Variants in CDH7 observed in about 807,000 individuals in gnomAD.
CDH7 encodes the protein cadherin 7.
CDH7 carries 25 observed loss-of-function variants against 71.8 expected under a neutral mutation model. The ratio of observed to expected loss-of-function variants is 0.35; its 90% CI spans 0.25 to 0.49. The LOEUF is 0.49. CDH7 is among the 20% of genes least tolerant of loss of function. The pLI is 0.99. For synonymous variants in CDH7, 381 were observed against 363.8 expected (o/e 1.05, Z -0.54); for missense variants, 862 against 974.6 (o/e 0.88, Z 1.54).
intron 2 of CDH7, among the ~76,000 whole-genome samples, chr18:65,777,999 G>C (rs1489070427): frequency 1.3e-5 from 2 of 152,108 alleles, no homozygotes; most frequent in Non-Finnish European, 2.9e-5. Context: ...CCAGCCGGGC[G>C]TGGTGGCTCA....
intron 2 of CDH7, among the ~76,000 whole-genome samples, chr18:65,789,035 T>G (rs1910613247): frequency 6.6e-6 from 1 of 152,266 alleles, no homozygotes; most frequent in African/African-American, 2.4e-5. Context: ...TTATGTAGTT[T>G]GTACACCCAT....
At chr18:65,826,406 G>C (rs1448099600) in intron 6 of CDH7, among the ~76,000 whole-genome samples, 1 of 150,900 alleles carries the variant, frequency 6.6e-6, no homozygotes, top group Non-Finnish European at 1.5e-5. Flanking sequence ...ATAAAATATT[G>C]AACAATGGAA....
chr18:65,767,235 T>C (rs1460014832), intron 2 of CDH7, among the ~76,000 whole-genome samples: 1 of 152,136 alleles, frequency 6.6e-6, no homozygotes, highest in African/African-American at 2.4e-5. Flanking sequence ...CTTGGAAGCA[T>C]TGGTGAGCAT....
Position 65,809,827 on chromosome 18 carries a change from C to A in CDH7, c.334C>A (p.Arg112Ser), listed in dbSNP as rs775706781. 1 of 1,613,940 alleles carries A rather than the reference C, an allele frequency of 6.2e-7. No homozygotes were observed. Among genetic ancestry groups the A allele is most frequent in the Non-Finnish European group, 8.5e-7 (1 of 1,179,962 alleles). Residue 112 changes from arginine to serine, a missense_variant, in exon 3 of 12, where the codon CGT becomes AGT. Transcript: ENST00000397968. ...TATTCATGCCACCAAGAGACTGGAT[C>A]GTGAGGAGCAGGCCTACTACACGCT... ...GDIHATKRLD[R>S]EEQAYYTLRA...
At chr18:65,789,865 A>G (rs1479014371) in intron 2 of CDH7, among the ~76,000 whole-genome samples, 2 of 152,082 alleles carry the variant, frequency 1.3e-5, no homozygotes, top group African/African-American at 4.8e-5. Flanking sequence ...AATGAATGAC[A>G]AATCCACTGT....
In CDH7 at chr18:65,888,700, T is replaced by G. The variant is rs942893495; in HGVS notation, c.*7806T>G. Reference sequence around the variant, plus strand: ...TCAAGTTAGGCATTGTTAGGTTTTTTAAGGAAAAACTTTGATGCCCAGAAT... The same window carrying G: ...TCAAGTTAGGCATTGTTAGGTTTTTGAAGGAAAAACTTTGATGCCCAGAAT... On this transcript the variant is annotated 3_prime_UTR_variant, in exon 12 of 12. Coordinates refer to ENST00000397968, the MANE Select transcript of CDH7 (RefSeq NM_004361.5). 1.1e-4 allele frequency: 17 copies of G among 151,862 alleles called. No homozygotes were observed. The highest frequency in any genetic ancestry group is 4.1e-4 in the African/African-American group (17 of 41,334). The allele number at this position is 151,862 out of a possible 1,614,324, so 9.4% of individuals were successfully genotyped here. A position where few individuals can be genotyped will look rare whatever the true frequency, so the allele number is the denominator to read the frequency against.
chr18:65,781,226 G>A (rs1006118760), intron 2 of CDH7, among the ~76,000 whole-genome samples: 7 of 152,050 alleles, frequency 4.6e-5, no homozygotes, highest in African/African-American at 9.7e-5. Context: ...CCTCAGATTC[G>A]AGAGTGGTGC....
rs1384050472 is a variant in CDH7, at chr18:65,751,279, C to CG, written c.-197+129_-197+130insG. 6 of 152,718 alleles carry CG rather than the reference C, an allele frequency of 3.9e-5. No individual in the cohort carries two copies. In the East Asian group the frequency reaches 1.2e-3, roughly 30 times the overall value. 9.5% of individuals were successfully genotyped at this position (152,718 alleles called of 1,614,324 possible). A position where few individuals can be genotyped will look rare whatever the true frequency, so the allele number is the denominator to read the frequency against. ...GCGGGGATGTCCGTGTGGAGTTTCC[C>CG]TTGGCGTCCCCAAGTTACTGCGTGT... On this transcript the variant is annotated intron_variant, in intron 1 of 11. Transcript: ENST00000397968.
intron 2 of CDH7, among the ~76,000 whole-genome samples, chr18:65,778,676 G>T (rs200638479): frequency 0.26 from 37,556 of 146,538 alleles, 5,118 homozygotes; most frequent in South Asian, 0.37. Flanking sequence ...CTTTTTTTTT[G>T]TTTGTTTTTC....
chr18:65,800,205 G>A (rs1021255567), intron 2 of CDH7, among the ~76,000 whole-genome samples: 9 of 151,906 alleles, frequency 5.9e-5, no homozygotes, highest in Non-Finnish European at 8.8e-5. Flanking sequence ...TCAGCCTCCC[G>A]AGTAGCTGGG....
At chr18:65,844,125 C>T (rs1203101587) in intron 7 of CDH7, 60 bp downstream of exon 7, 9 of 1,435,922 alleles carry the variant, frequency 6.3e-6, no homozygotes, top group Non-Finnish European at 8.6e-6. Flanking sequence ...TTGTTCACAA[C>T]TCTTATTTTA....
At chr18:65,770,819 A>G (rs1384263082) in intron 2 of CDH7, among the ~76,000 whole-genome samples, 3 of 152,178 alleles carry the variant, frequency 2.0e-5, no homozygotes, top group Non-Finnish European at 4.4e-5. Context: ...AATGAATACT[A>G]CTTTGTCATA....
At chr18:65,758,076 A>C (rs1038359452) in intron 1 of CDH7, among the ~76,000 whole-genome samples, 4 of 152,240 alleles carry the variant, frequency 2.6e-5, no homozygotes, top group African/African-American at 9.6e-5. Flanking sequence ...AAGTTCATTT[A>C]AATGTAATAA....
chr18:65,776,846 C>T (rs973534716), intron 2 of CDH7, among the ~76,000 whole-genome samples: 1 of 152,110 alleles, frequency 6.6e-6, no homozygotes, highest in Non-Finnish European at 1.5e-5. Context: ...TAATAGATTG[C>T]ATTTTTAGAA....
At chr18:65,769,401 T>C (rs1916477373) in intron 2 of CDH7, among the ~76,000 whole-genome samples, 1 of 152,202 alleles carries the variant, frequency 6.6e-6, no homozygotes, top group Non-Finnish European at 1.5e-5. Context: ...TAAAATGTGA[T>C]CAAATTGGTA....
intron 6 of CDH7, among the ~76,000 whole-genome samples, chr18:65,835,852 C>G (rs1912514631): frequency 6.6e-6 from 1 of 152,148 alleles, no homozygotes; most frequent in Non-Finnish European, 1.5e-5. Context: ...AATATGTGAA[C>G]GTTTTACCTT....
At chr18:65,876,319 C>T (rs1057079531) in intron 11 of CDH7, among the ~76,000 whole-genome samples, 1 of 152,182 alleles carries the variant, frequency 6.6e-6, no homozygotes, top group Non-Finnish European at 1.5e-5. Flanking sequence ...GCTGTAATAG[C>T]ACTCTAACTT....
Position 65,844,010 on chromosome 18 carries a change from A to G in CDH7, c.1180A>G (p.Asn394Asp), listed in dbSNP as rs1387845065. Residue 394 changes from asparagine (N) to aspartate (D), a missense_variant, in exon 7 of 12, where the codon AAT becomes GAT. Transcript: ENST00000397968. ...MEVSEATQVGNIIGTVAAHDP... is the reference protein window; with the variant it reads ...MEVSEATQVGDIIGTVAAHDP... Reference sequence around the variant, plus strand: ...GGTGTCGGAAGCTACCCAGGTTGGGAATATCATTGGCACTGTAGCAGCTCA... The same window carrying G: ...GGTGTCGGAAGCTACCCAGGTTGGGGATATCATTGGCACTGTAGCAGCTCA... 6.2e-7 allele frequency: 1 copy of G among 1,612,964 alleles called. No homozygotes were observed. The highest frequency in any genetic ancestry group is 8.5e-7 in the Non-Finnish European group (1 of 1,179,402).
intron 6 of CDH7, among the ~76,000 whole-genome samples, chr18:65,835,815 G>T (rs140375851): frequency 1.1e-4 from 16 of 152,274 alleles, no homozygotes; most frequent in African/African-American, 3.8e-4. Context: ...ACACAATAAT[G>T]CCTCCTCCTC....
Sources: allele counts gnomAD v4.1 joint callset (sites outside exome capture counted in the v4.1 genomes callset), GRCh38; gene constraint gnomAD v4.1.1; transcripts MANE v1.5; gene names NCBI Gene and HGNC (gene_info 2026-07-23, HGNC 2026-07-21).